ACOT7: variants seen among roughly 807,000 people sequenced by gnomAD.
The protein encoded by ACOT7 is cytosolic acyl coenzyme A thioester hydrolase.
In ACOT7, 12 loss-of-function variants were observed where a neutral mutation model predicts 40.2. The ratio of observed to expected loss-of-function variants is 0.30; its 90% confidence interval spans 0.19 to 0.48. The LOEUF (loss-of-function observed/expected upper bound fraction) is 0.48. ACOT7 is among the 20% of genes least tolerant of loss of function. The pLI is 0.99. For synonymous variants in ACOT7, 228 were observed against 219.5 expected, an observed-to-expected ratio of 1.04 and a Z score of -0.34; for missense variants, 395 against 530.8, an observed-to-expected ratio of 0.74 and a Z score of 2.51.
rs116556930 is a variant in ACOT7, at chr1:6,333,376, G to A, written c.510+101C>T. 399 of 1,347,498 alleles carry A rather than the reference G, an allele frequency of 3.0e-4. No homozygotes were observed. In the African/African-American group the frequency reaches 5.3e-3, roughly 18 times the overall value. 83.5% of individuals were successfully genotyped at this position (1,347,498 alleles called of 1,614,324 possible). On this transcript the variant is annotated intron_variant, in intron 4 of 8. Coordinates refer to ENST00000361521, the MANE Select transcript of ACOT7 (RefSeq NM_007274.4). Reference sequence around the variant, plus strand: ...CCCTGTGCCCTAGCTCTGGCCTGTTGCTCCCTTGAGACCCTTAGCTGAACG... The same window carrying A: ...CCCTGTGCCCTAGCTCTGGCCTGTTACTCCCTTGAGACCCTTAGCTGAACG...
chr1:6,337,937 G>A (rs1392054268), intron 3 of ACOT7, among the ~76,000 whole-genome samples: 1 of 146,422 alleles, frequency 6.8e-6, no homozygotes, highest in Non-Finnish European at 1.5e-5. Context: ...GGAGGCAGAG[G>A]TTGCGATGAG....
intron 8 of ACOT7, among the ~76,000 whole-genome samples, chr1:6,273,131 T>C (rs1304444701): frequency 3.3e-5 from 5 of 152,198 alleles, no homozygotes; most frequent in Non-Finnish European, 7.3e-5. Flanking sequence ...TCAGAAGAGC[T>C]ACCTACCAGT....
chr1:6,371,751 A>G (rs1642137715), intron 1 of ACOT7, among the ~76,000 whole-genome samples: 1 of 151,798 alleles, frequency 6.6e-6, no homozygotes, highest in African/African-American at 2.4e-5. Context: ...TTTCACCCAC[A>G]CTGAAAACCT....
At chr1:6,340,960 C>T (rs1311496313) in intron 2 of ACOT7, among the ~76,000 whole-genome samples, 2 of 151,588 alleles carry the variant, frequency 1.3e-5, no homozygotes, top group Non-Finnish European at 2.9e-5. Flanking sequence ...CAGGTGAACT[C>T]GGGACGGGGA....
chr1:6,320,202 C>T (rs928033854), intron 5 of ACOT7, among the ~76,000 whole-genome samples: 2 of 152,240 alleles, frequency 1.3e-5, no homozygotes, highest in East Asian at 1.9e-4. Context: ...ACACGAAGCC[C>T]TGTAAATAGC....
rs934789254 is a variant in ACOT7 at position 6,305,209 on chromosome 1, C to A, written c.713-10229G>T. 4.0e-5 allele frequency among the ~76,000 whole-genome samples: 6 copies of A among 149,786 alleles called. No homozygotes were observed. The East Asian group carries it at 6.0e-4, about 15-fold the overall frequency. ...CTGGCCGGGCGGGGGGCTGTCCCCC[C>A]CACATCCTTCCCGGACGGGGCGGCG... is the stretch of plus-strand genomic sequence containing the variant. On this transcript the variant is annotated intron_variant, in intron 6 of 8. Coordinates refer to ENST00000361521, the MANE Select transcript of ACOT7 (RefSeq NM_007274.4).
chr1:6,362,782 G>A (rs956931385), intron 1 of ACOT7, among the ~76,000 whole-genome samples: 3 of 152,110 alleles, frequency 2.0e-5, no homozygotes, highest in African/African-American at 7.2e-5. Flanking sequence ...AGGCGCGGTC[G>A]TGCACGCCTG....
At chr1:6,386,053 C>T (rs1172000215) in intron 1 of ACOT7, among the ~76,000 whole-genome samples, 1 of 152,178 alleles carries the variant, frequency 6.6e-6, no homozygotes, top group Non-Finnish European at 1.5e-5. Context: ...TCAGGCTGGC[C>T]CTCAGGCAAG....
At chr1:6,346,518 T>G (rs1641427041) in intron 2 of ACOT7, among the ~76,000 whole-genome samples, 2 of 150,158 alleles carry the variant, frequency 1.3e-5, no homozygotes, top group East Asian at 2.0e-4. Context: ...AGAGGGAGAG[T>G]TGAGAAAGAG....
intron 1 of ACOT7, among the ~76,000 whole-genome samples, chr1:6,386,523 A>G (rs1642443886): frequency 6.6e-6 from 1 of 152,146 alleles, no homozygotes; most frequent in Non-Finnish European, 1.5e-5. Flanking sequence ...GACATCGTAA[A>G]TATGTCTGCA....
At chr1:6,349,990 C>G (rs1043083322) in intron 1 of ACOT7, 124 bp from the exon 2 acceptor site, 58 of 945,446 alleles carry the variant, frequency 6.1e-5, no homozygotes, top group Non-Finnish European at 8.3e-5. Flanking sequence ...GAGAACCTTC[C>G]CAATGTTTGG....
At chr1:6,273,404 T>C (rs1225854513) in intron 8 of ACOT7, among the ~76,000 whole-genome samples, 1 of 152,114 alleles carries the variant, frequency 6.6e-6, no homozygotes, top group Non-Finnish European at 1.5e-5. Flanking sequence ...AGGGGCAGCT[T>C]CAGGATGCAG....
intron 8 of ACOT7, among the ~76,000 whole-genome samples, chr1:6,265,829 C>T (rs1467577305): frequency 6.6e-6 from 1 of 152,226 alleles, no homozygotes; most frequent in Non-Finnish European, 1.5e-5. Context: ...ATTTCATCCA[C>T]AATGACACCA....
Position 6,338,335 on chromosome 1 carries a change from C to T in ACOT7, c.418+1098G>A, listed in dbSNP as rs1457751973. Among the ~76,000 whole-genome samples, 2 of 152,184 alleles carry T rather than the reference C, an allele frequency of 1.3e-5. No individual in the cohort carries two copies. Among genetic ancestry groups the T allele is most frequent in the African/African-American group, 4.8e-5 (2 of 41,454 alleles). The stretch of plus-strand genomic sequence containing the variant: ...AAGGCCCCTAAAGTGGGGAACCCAC[C>T]CAGCCCTGAGCCTCTCCCGAGTCGT... On this transcript the variant is annotated intron_variant, in intron 3 of 8. Coordinates refer to ENST00000361521, the MANE Select transcript of ACOT7 (RefSeq NM_007274.4). The surrounding 1 kb of genome is among the most constrained non-coding windows in gnomAD (Gnocchi z 4.4).
At chr1:6,370,593 GAT>G (rs1308792146) in intron 1 of ACOT7, among the ~76,000 whole-genome samples, 4 of 151,130 alleles carry the variant, frequency 2.6e-5, no homozygotes, top group Non-Finnish European at 4.4e-5. Flanking sequence ...TGGTTCAAGT[GAT>G]TCTCCTGCCT....
chr1:6,269,502 C>G (rs938351046), intron 8 of ACOT7, among the ~76,000 whole-genome samples: 1 of 152,232 alleles, frequency 6.6e-6, no homozygotes, highest in African/African-American at 2.4e-5. Context: ...TGCCACAGGC[C>G]GAGGGCTGTG....
intron 1 of ACOT7, among the ~76,000 whole-genome samples, chr1:6,368,768 G>A (rs1363543840): frequency 6.6e-6 from 1 of 152,198 alleles, no homozygotes; most frequent in Non-Finnish European, 1.5e-5. Flanking sequence ...GGGCGGTGCA[G>A]TCAGCTGCCC....
At chr1:6,332,180 CTA>C (rs3029069) in intron 4 of ACOT7, among the ~76,000 whole-genome samples, 1,538 of 152,242 alleles carry the variant, frequency 0.01, 27 homozygotes, top group African/African-American at 0.035. Flanking sequence ...AAAATGTATT[CTA>C]TATATATATC....
Position 6,339,458 on chromosome 1 carries a change from G to A in ACOT7, c.393C>T (p.Asn131=), listed in dbSNP as rs769759443. 4.3e-6 allele frequency: 7 copies of A among 1,613,648 alleles called. No individual in the cohort carries two copies. Among genetic ancestry groups the A allele is most frequent in the South Asian group, 2.2e-5 (2 of 91,074 alleles). ...CTGTGAGGATGTTTTCGGACATCACGTTGACCTGCACCTCCACAGAGTGCT... is the reference window on the plus strand; with the variant it reads ...CTGTGAGGATGTTTTCGGACATCACATTGACCTGCACCTCCACAGAGTGCT... ...TSKHSVEVQV[N]VMSENILTGA... Residue 131 remains asparagine, a synonymous_variant, in exon 3 of 9, where the codon AAC becomes AAT. Coordinates refer to ENST00000361521, the MANE Select transcript of ACOT7 (RefSeq NM_007274.4).
Sources: allele counts gnomAD v4.1 joint callset (sites outside exome capture counted in the v4.1 genomes callset), GRCh38; gene constraint gnomAD v4.1.1; non-coding constraint Gnocchi (gnomAD v3.1); transcripts MANE v1.5; gene names NCBI Gene and HGNC (gene_info 2026-07-23, HGNC 2026-07-21).